Variants in SAMTOR observed in about 807,000 individuals in gnomAD.
SAMTOR encodes UPF0532 protein C7orf60.
chr7:112,932,088 G>C, the SAMTOR span, among the ~76,000 whole-genome samples: 1 of 151,798 alleles, frequency 6.6e-6, no homozygotes, highest in Non-Finnish European at 1.5e-5. Flanking sequence ...ACCACACCCG[G>C]CTAATTTTTT....
the SAMTOR span, among the ~76,000 whole-genome samples, chr7:112,852,700 G>T: frequency 6.6e-6 from 1 of 151,932 alleles, no homozygotes; most frequent in Non-Finnish European, 1.5e-5. Flanking sequence ...ACTTGCAGCG[G>T]TAAATTATTT....
At chr7:112,881,799 C>T in the SAMTOR span, among the ~76,000 whole-genome samples, 1 of 152,210 alleles carries the variant, frequency 6.6e-6, no homozygotes, top group Non-Finnish European at 1.5e-5. Flanking sequence ...TGCCCACCCT[C>T]CAGCTGTCTG....
chr7:112,827,905 G>A, the SAMTOR span, among the ~76,000 whole-genome samples: 1 of 151,966 alleles, frequency 6.6e-6, no homozygotes, highest in African/African-American at 2.4e-5. Context: ...TGTAGAGATG[G>A]GGTCTTGCTG....
the SAMTOR span, among the ~76,000 whole-genome samples, chr7:112,938,293 G>A: frequency 6.6e-6 from 1 of 152,032 alleles, no homozygotes; most frequent in Non-Finnish European, 1.5e-5. Context: ...TCTTTCTATT[G>A]CTATCTGTTA....
the SAMTOR span, among the ~76,000 whole-genome samples, chr7:112,834,361 T>C: frequency 1.3e-5 from 2 of 152,198 alleles, no homozygotes; most frequent in Non-Finnish European, 2.9e-5. Context: ...TTATTATCTT[T>C]TTTCCCATGG....
chr7:112,830,509 A>G, the SAMTOR span, among the ~76,000 whole-genome samples: 1 of 152,294 alleles, frequency 6.6e-6, no homozygotes, highest in African/African-American at 2.4e-5. Flanking sequence ...GATCAGATCA[A>G]ATGGTCATGG....
the SAMTOR span, chr7:112,832,639 A>C: frequency 6.2e-7 from 1 of 1,613,238 alleles, no homozygotes; most frequent in Non-Finnish European, 8.5e-7. Context: ...AGCTGCCAAC[A>C]TCAAGTAATC....
the SAMTOR span, among the ~76,000 whole-genome samples, chr7:112,846,138 T>C: frequency 6.9e-6 from 1 of 144,150 alleles, no homozygotes; most frequent in Admixed American, 6.9e-5. Flanking sequence ...CAAAACAATC[T>C]GTACAACTTT....
chr7:112,916,819 G>A, the SAMTOR span, among the ~76,000 whole-genome samples: 4 of 152,202 alleles, frequency 2.6e-5, no homozygotes, highest in East Asian at 1.9e-4. Context: ...AGGGTCCTAC[G>A]CCCACAGAGT....
At chr7:112,855,554 T>TG in the SAMTOR span, among the ~76,000 whole-genome samples, 1 of 152,188 alleles carries the variant, frequency 6.6e-6, no homozygotes, top group Non-Finnish European at 1.5e-5. Flanking sequence ...CCTGTTTCCT[T>TG]GCTGGCTGGC....
the SAMTOR span, among the ~76,000 whole-genome samples, chr7:112,899,763 G>A: frequency 3.9e-5 from 5 of 128,724 alleles, no homozygotes; most frequent in Admixed American, 4.2e-4. Context: ...AAGAGGGAAT[G>A]AGATGACATA....
chr7:112,858,538 G>A, the SAMTOR span, among the ~76,000 whole-genome samples: 1 of 151,732 alleles, frequency 6.6e-6, no homozygotes, highest in African/African-American at 2.4e-5. Flanking sequence ...ATTCTTAAAT[G>A]CTTAAATACT....
the SAMTOR span, among the ~76,000 whole-genome samples, chr7:112,834,552 A>G: frequency 6.6e-6 from 1 of 152,176 alleles, no homozygotes; most frequent in African/African-American, 2.4e-5. Flanking sequence ...CCAATTCATG[A>G]GATTTAAATT....
the SAMTOR span, among the ~76,000 whole-genome samples, chr7:112,876,070 C>G: frequency 6.6e-6 from 1 of 152,246 alleles, no homozygotes; most frequent in Middle Eastern, 3.4e-3. Flanking sequence ...AAGTGATCCT[C>G]CCACCTCAGC....
the SAMTOR span, among the ~76,000 whole-genome samples, chr7:112,896,793 C>A: frequency 6.6e-6 from 1 of 152,008 alleles, no homozygotes; most frequent in African/African-American, 2.4e-5. Context: ...AAATAAAGTA[C>A]CTAACCCAAT....
At chr7:112,909,047 G>T in the SAMTOR span, among the ~76,000 whole-genome samples, 1 of 152,188 alleles carries the variant, frequency 6.6e-6, no homozygotes, top group African/African-American at 2.4e-5. Context: ...AGGACAAAAA[G>T]GATGGTGGCA....
At chr7:112,855,111 T>C in the SAMTOR span, among the ~76,000 whole-genome samples, 22 of 152,326 alleles carry the variant, frequency 1.4e-4, no homozygotes, top group Non-Finnish European at 2.8e-4. Flanking sequence ...AAAGGTCATA[T>C]GGCTAATAAG....
chr7:112,831,956 A>G, the SAMTOR span, among the ~76,000 whole-genome samples: 1 of 152,140 alleles, frequency 6.6e-6, no homozygotes, highest in Non-Finnish European at 1.5e-5. Context: ...CAAATATAAC[A>G]AAATGCAAAA....
the SAMTOR span, among the ~76,000 whole-genome samples, chr7:112,920,930 C>A: frequency 1.3e-5 from 2 of 152,078 alleles, no homozygotes; most frequent in Admixed American, 6.6e-5. Flanking sequence ...CAAACCACTG[C>A]TCAAGGAAAT....
Sources: allele counts gnomAD v4.1 joint callset (sites outside exome capture counted in the v4.1 genomes callset), GRCh38; gene constraint gnomAD v4.1.1; transcripts MANE v1.5; gene names NCBI Gene and HGNC (gene_info 2026-07-23, HGNC 2026-07-21).